The following GALNT13 variants were observed in gnomAD, a reference collection of about 807,000 sequenced individuals.
GALNT13 encodes UDP-GalNAc:polypeptide N-acetylgalactosaminyltransferase 13.
GALNT13 carries 28 observed loss-of-function variants against 64.2 expected under a neutral mutation model. That is an observed-to-expected ratio of 0.44 (90% confidence interval 0.32 to 0.60). GALNT13 has a LOEUF of 0.60. Ranked by LOEUF, GALNT13 falls within the 20% of genes least tolerant of loss-of-function variation. The pLI is 0.05. For synonymous variants in GALNT13, 214 were observed against 224.6 expected (o/e 0.95, Z 0.42); for missense variants, 577 against 669.8 (o/e 0.86, Z 1.53).
chr2:153,551,136 C>G, the GALNT13 span, among the ~76,000 whole-genome samples: 6,743 of 152,228 alleles, frequency 0.044, 191 homozygotes, highest in Non-Finnish European at 0.067. Flanking sequence ...GAAAAATTCA[C>G]TGGGAGTTTA....
chr2:154,116,586 C>T (rs1416504522), intron 3 of GALNT13, among the ~76,000 whole-genome samples: 1 of 152,146 alleles, frequency 6.6e-6, no homozygotes, highest in Non-Finnish European at 1.5e-5. Context: ...TCTCTACATA[C>T]AGTCAAAGAT....
the GALNT13 span, among the ~76,000 whole-genome samples, chr2:153,404,262 A>T: frequency 9.9e-5 from 15 of 152,202 alleles, no homozygotes; most frequent in Non-Finnish European, 1.8e-4. Flanking sequence ...TATTGGTGTC[A>T]GCCATTTTAT....
chr2:154,349,154 G>A (rs1426581429), intron 9 of GALNT13, among the ~76,000 whole-genome samples: 1 of 152,154 alleles, frequency 6.6e-6, no homozygotes, highest in South Asian at 2.1e-4. Context: ...TCAGTAAACA[G>A]GCACGTATAA....
At chr2:153,376,629 A>T in the GALNT13 span, among the ~76,000 whole-genome samples, 2 of 152,168 alleles carry the variant, frequency 1.3e-5, no homozygotes, top group Non-Finnish European at 2.9e-5. Flanking sequence ...AAGAAAGGAA[A>T]GCAAGAGGTT....
the GALNT13 span, among the ~76,000 whole-genome samples, chr2:153,319,473 C>T: frequency 6.6e-6 from 1 of 152,052 alleles, no homozygotes; most frequent in Non-Finnish European, 1.5e-5. Context: ...AAGATGAGGT[C>T]TTGCCACTTT....
chr2:154,448,484 A>G (rs1352400276), intron 12 of GALNT13, among the ~76,000 whole-genome samples: 3 of 152,022 alleles, frequency 2.0e-5, no homozygotes, highest in Admixed American at 2.0e-4. Context: ...ACAGCCAGTA[A>G]GTAAAGGACA....
the GALNT13 span, chr2:153,201,651 A>C: frequency 8.1e-6 from 1 of 123,288 alleles, no homozygotes; most frequent in East Asian, 2.1e-4. Context: ...CATCCATTTA[A>C]TTTATCTCAA....
intron 10 of GALNT13, among the ~76,000 whole-genome samples, chr2:154,399,156 G>T (rs921802666): frequency 4.6e-5 from 7 of 152,062 alleles, no homozygotes; most frequent in Non-Finnish European, 1.0e-4. Flanking sequence ...GTTGGCAGGT[G>T]CCCATGGTCA....
intron 5 of GALNT13, 33 bp downstream of exon 5, chr2:154,242,229 T>TTTTTG (rs761291056): frequency 1.5e-5 from 24 of 1,594,232 alleles, no homozygotes; most frequent in Admixed American, 3.5e-5. Flanking sequence ...TGTTTTTGTT[T>TTTTTG]TTTTGTTTTG....
At chr2:153,286,706 G>A in the GALNT13 span, among the ~76,000 whole-genome samples, 7 of 152,114 alleles carry the variant, frequency 4.6e-5, no homozygotes, top group Non-Finnish European at 8.8e-5. Context: ...TAATGATTGG[G>A]TATGTCAACT....
At chr2:154,029,678 G>GA (rs542577888) in intron 3 of GALNT13, among the ~76,000 whole-genome samples, 1 of 151,836 alleles carries the variant, frequency 6.6e-6, no homozygotes, top group Admixed American at 6.6e-5. Flanking sequence ...ACAATGGCAA[G>GA]AAAAAAATGG....
chr2:153,672,998 A>C, the GALNT13 span, among the ~76,000 whole-genome samples: 1 of 152,186 alleles, frequency 6.6e-6, no homozygotes, highest in African/African-American at 2.4e-5. Context: ...CCCTCTCAAG[A>C]CTAAACCAGG....
At chr2:153,538,833 A>T in the GALNT13 span, among the ~76,000 whole-genome samples, 1 of 24,984 alleles carries the variant, frequency 4.0e-5, no homozygotes, top group Non-Finnish European at 6.9e-5. Context: ...GCTATTGTGA[A>T]TAATGCCGCA....
the GALNT13 span, among the ~76,000 whole-genome samples, chr2:153,783,666 G>A: frequency 6.6e-6 from 1 of 152,044 alleles, no homozygotes; most frequent in Non-Finnish European, 1.5e-5. Flanking sequence ...GGCGGGACCA[G>A]GTGGAGATAA....
chr2:154,281,481 G>A (rs1199846932), intron 8 of GALNT13, among the ~76,000 whole-genome samples: 1 of 152,088 alleles, frequency 6.6e-6, no homozygotes, highest in Non-Finnish European at 1.5e-5. Context: ...CATAAAGTGT[G>A]GTGATCAATC....
At chr2:153,191,341 C>T in the GALNT13 span, among the ~76,000 whole-genome samples, 1 of 151,706 alleles carries the variant, frequency 6.6e-6, no homozygotes, top group Non-Finnish European at 1.5e-5. Flanking sequence ...GGTTTTTGTC[C>T]TCTATTATGC....
At chr2:153,163,169 A>C in the GALNT13 span, among the ~76,000 whole-genome samples, 2 of 152,166 alleles carry the variant, frequency 1.3e-5, no homozygotes, top group South Asian at 2.1e-4. Flanking sequence ...ATTTCTGGGA[A>C]GTTTGTCTTC....
chr2:153,597,323 C>T, the GALNT13 span, among the ~76,000 whole-genome samples: 3 of 152,078 alleles, frequency 2.0e-5, no homozygotes, highest in African/African-American at 4.8e-5. Context: ...CTGATCCTGT[C>T]CCACAATATC....
chr2:153,955,321 A>G (rs1197734687), intron 3 of GALNT13, among the ~76,000 whole-genome samples: 1 of 152,204 alleles, frequency 6.6e-6, no homozygotes, highest in Non-Finnish European at 1.5e-5. Context: ...TACCTGCTGT[A>G]AGAGAAGCAC....
Sources: gnomAD v4.1 joint callset for allele counts (sites outside exome capture counted in the v4.1 genomes callset) on GRCh38, gnomAD v4.1.1 for gene constraint, MANE v1.5 for transcripts, NCBI Gene and HGNC (gene_info 2026-07-23, HGNC 2026-07-21) for gene names.